Variants in FSTL5 observed in about 807,000 individuals in gnomAD.
FSTL5 encodes follistatin-related protein 5.
FSTL5 carries 62 observed loss-of-function variants against 89.1 expected under a neutral mutation model. The ratio of observed to expected loss-of-function variants is 0.70; its 90% CI spans 0.57 to 0.86. The LOEUF (loss-of-function observed/expected upper bound fraction) is 0.86. FSTL5 is among the 40% of genes least tolerant of loss of function. The pLI, the probability that FSTL5 is intolerant of heterozygous loss-of-function variation, is 0.00. For missense variants in FSTL5, 1,057 were observed against 1,001.6 expected, an observed-to-expected ratio of 1.06 and a Z score of -0.75; for synonymous variants, 383 against 346.2, an observed-to-expected ratio of 1.11 and a Z score of -1.18.
chr4:161,831,995 C>A (rs922644928), intron 4 of FSTL5, among the ~76,000 whole-genome samples: 4 of 151,924 alleles, frequency 2.6e-5, no homozygotes, highest in African/African-American at 9.7e-5. Flanking sequence ...ACCATGAATT[C>A]ACTGAACATA....
chr4:161,716,749 C>T (rs567988095), intron 6 of FSTL5, among the ~76,000 whole-genome samples: 2 of 151,996 alleles, frequency 1.3e-5, no homozygotes, highest in Non-Finnish European at 2.9e-5. Context: ...GAATGTGAGA[C>T]TTTATGTATT....
chr4:161,533,165 T>C (rs1244592230), intron 10 of FSTL5, among the ~76,000 whole-genome samples: 1 of 115,288 alleles, frequency 8.7e-6, no homozygotes, highest in African/African-American at 3.2e-5. Context: ...GACTTAGAAC[T>C]AGGAAAAAAA....
At chr4:161,638,508 A>G (rs1393034385) in intron 7 of FSTL5, among the ~76,000 whole-genome samples, 1 of 152,104 alleles carries the variant, frequency 6.6e-6, no homozygotes, top group African/African-American at 2.4e-5. Context: ...AACAATCAAT[A>G]GTTTACCAAC....
At chr4:162,005,888 T>G (rs1736602254) in intron 3 of FSTL5, among the ~76,000 whole-genome samples, 1 of 152,084 alleles carries the variant, frequency 6.6e-6, no homozygotes, top group African/African-American at 2.4e-5. Context: ...TTCCTACTCC[T>G]TTGTTTACTG....
Position 162,161,342 on chromosome 4 carries a change from A to G in FSTL5, c.-17+2273T>C, listed in dbSNP as rs2201183. On this transcript the variant is annotated intron_variant, in intron 1 of 15. Transcript: ENST00000306100. The stretch of plus-strand genomic sequence containing the variant: ...GGCAATTTGATTAGTTTCAGTGGAA[A>G]TGTTATTCTGCATTTAAGTAGTGTC... Among the ~76,000 whole-genome samples, 837 of 152,044 alleles carry G rather than the reference A, an allele frequency of 5.5e-3. 57 individuals carry two copies. In the East Asian group the frequency reaches 0.13, roughly 23 times the overall value.
chr4:162,032,300 G>T (rs1283085918), intron 3 of FSTL5, among the ~76,000 whole-genome samples: 1 of 152,084 alleles, frequency 6.6e-6, no homozygotes, highest in East Asian at 1.9e-4. Flanking sequence ...AAGTTTAAAT[G>T]CATATATCAT....
At chr4:162,082,199 A>G (rs142652050) in intron 2 of FSTL5, among the ~76,000 whole-genome samples, 226 of 151,648 alleles carry the variant, frequency 1.5e-3, no homozygotes, top group African/African-American at 5.2e-3. Context: ...TAGTAGTTGG[A>G]GAATAACATT....
chr4:161,745,305 T>C (rs1372376606), intron 6 of FSTL5, among the ~76,000 whole-genome samples: 4 of 152,190 alleles, frequency 2.6e-5, no homozygotes, highest in Admixed American at 6.5e-5. Flanking sequence ...GGCAGTGTGA[T>C]CTCATATAAA....
At chr4:161,793,289 C>T (rs1379464576) in intron 4 of FSTL5, among the ~76,000 whole-genome samples, 2 of 152,188 alleles carry the variant, frequency 1.3e-5, no homozygotes, top group African/African-American at 4.8e-5. Context: ...TGGTAGTGTG[C>T]CAGGCCTAGT....
chr4:162,070,574 T>C (rs983495210), intron 2 of FSTL5, among the ~76,000 whole-genome samples: 5 of 151,822 alleles, frequency 3.3e-5, no homozygotes, highest in African/African-American at 7.2e-5. Context: ...CATATATATG[T>C]CCAGTTTTCC....
At chr4:161,979,971 A>T (rs564213019) in intron 3 of FSTL5, among the ~76,000 whole-genome samples, 13 of 152,182 alleles carry the variant, frequency 8.5e-5, no homozygotes, top group African/African-American at 3.1e-4. Context: ...AACATTATGT[A>T]TCTTCTATCT....
intron 3 of FSTL5, among the ~76,000 whole-genome samples, chr4:161,963,412 T>A (rs1672966692): frequency 6.6e-6 from 1 of 151,988 alleles, no homozygotes; most frequent in South Asian, 2.1e-4. Context: ...ATTGCAAGGT[T>A]ATCTATTGTG....
In FSTL5 at chr4:161,693,360, T is replaced by G. The variant is rs554581480; in HGVS notation, c.728-36866A>C. Among the ~76,000 whole-genome samples, 18 of 152,316 alleles carry G rather than the reference T, an allele frequency of 1.2e-4. No homozygotes were observed. The East Asian group carries it at 1.9e-3, about 16-fold the overall frequency. On this transcript the variant is annotated intron_variant, in intron 6 of 15. Transcript: ENST00000306100. ...TTTCCTCTTATATTTTTGTAAGATT[T>G]TGAGTAGTTTTGGTGATAATATTTC... is the stretch of plus-strand genomic sequence containing the variant.
intron 3 of FSTL5, among the ~76,000 whole-genome samples, chr4:161,997,820 G>A: frequency 6.6e-6 from 1 of 152,040 alleles, no homozygotes; most frequent in East Asian, 1.9e-4. Flanking sequence ...TAGCAAGGAT[G>A]GTCTCGATCT....
chr4:161,950,030 A>G (rs1419997168), intron 3 of FSTL5, among the ~76,000 whole-genome samples: 1 of 152,086 alleles, frequency 6.6e-6, no homozygotes. Context: ...TAATAAGATA[A>G]ATAATATCTT....
At position 161,500,064 on chromosome 4, in the gene FSTL5, A is replaced by T; in HGVS notation, c.1410T>A (p.Cys470Ter). The change falls in exon 12 of 16, where the codon TGT becomes TGA. Residue 470 changes from cysteine to a stop codon, truncating the protein, a stop_gained. Transcript: ENST00000306100. LOFTEE classifies it high-confidence loss of function. ...DGIKVIQPIE[C>*]EFQRHIKPSE... ...TAGGCTTAATGTGCCTCTGAAATTC[A>T]CATTCTATGGGTTGTATCACTTTGA... is the stretch of plus-strand genomic sequence containing the variant. 6.2e-7 allele frequency: 1 copy of T among 1,611,412 alleles called. No homozygotes were observed. Among genetic ancestry groups the T allele is most frequent in the Admixed American group, 1.7e-5 (1 of 59,856 alleles).
intron 2 of FSTL5, among the ~76,000 whole-genome samples, chr4:162,051,825 C>A (rs1480574830): frequency 6.6e-6 from 1 of 150,648 alleles, no homozygotes; most frequent in Non-Finnish European, 1.5e-5. Flanking sequence ...TGAAAAAAAA[C>A]AGTATTTGTG....
In FSTL5 at chr4:161,975,959, C is replaced by CA. The variant is rs34935846; in HGVS notation, c.161-55308dup. Among the ~76,000 whole-genome samples the CA allele has an allele frequency of 7.0e-3, 1,044 of 148,424 alleles. 18 individuals are homozygous for CA. Among genetic ancestry groups the CA allele is most frequent in the African/African-American group, 0.023 (946 of 40,490 alleles). ...TGAAACCCCGTCTCTACTAAAAATACAAAAAAAAATTAGCCAGGCATGGTG... is the reference window on the plus strand; with the variant it reads ...TGAAACCCCGTCTCTACTAAAAATACAAAAAAAAAATTAGCCAGGCATGGTG... On this transcript the variant is annotated intron_variant, in intron 3 of 15. Transcript: ENST00000306100.
chr4:161,991,717 G>T (rs1442298569), intron 3 of FSTL5, among the ~76,000 whole-genome samples: 1 of 152,090 alleles, frequency 6.6e-6, no homozygotes, highest in African/African-American at 2.4e-5. Context: ...ATGGATTTTG[G>T]TACATGCAGG....
Sources: gnomAD v4.1 joint callset for allele counts (sites outside exome capture counted in the v4.1 genomes callset) on GRCh38, gnomAD v4.1.1 for gene constraint, MANE v1.5 for transcripts, NCBI Gene and HGNC (gene_info 2026-07-23, HGNC 2026-07-21) for gene names.